Variants in SULF1 observed in about 807,000 individuals in gnomAD.
The protein encoded by SULF1 is sulfatase 1.
SULF1 carries 46 observed loss-of-function variants against 110.5 expected under a neutral mutation model. That is an observed-to-expected ratio of 0.42 (90% CI 0.33 to 0.53). The LOEUF (loss-of-function observed/expected upper bound fraction) is 0.53, where lower values mean the gene tolerates loss of function less well. Ranked by LOEUF, SULF1 falls within the 20% of genes least tolerant of loss-of-function variation. The pLI, the probability that SULF1 is intolerant of heterozygous loss-of-function variation, is 0.12. For synonymous variants in SULF1, 371 were observed against 387.1 expected (o/e 0.96, Z 0.49); for missense variants, 941 against 1,094.2 (o/e 0.86, Z 1.98).
At chr8:69,559,258 T>G (rs1244160883) in intron 3 of SULF1, among the ~76,000 whole-genome samples, 1 of 152,226 alleles carries the variant, frequency 6.6e-6, no homozygotes, top group African/African-American at 2.4e-5. Context: ...CAATGAACTT[T>G]TCATTCTGTT....
Position 69,600,670 on chromosome 8 carries a change from C to T in SULF1, c.802C>T (p.Leu268=), listed in dbSNP as rs1586516520. 1 of 1,614,068 alleles carries T rather than the reference C, an allele frequency of 6.2e-7. No individual in the cohort carries two copies. The highest frequency in any genetic ancestry group is 8.5e-7 in the Non-Finnish European group (1 of 1,179,954). Residue 268 remains leucine (L), a synonymous_variant, in exon 9 of 23, where the codon CTG becomes TTG. Transcript: ENST00000402687. ...HWIMQYTGPM[L]PIHMEFTNIL... is the part of the protein sequence containing the mutation. Reference sequence around the variant, plus strand: ...GATTATGCAGTACACAGGACCAATGCTGCCCATCCACATGGAATTTACAAA... The same window carrying T: ...GATTATGCAGTACACAGGACCAATGTTGCCCATCCACATGGAATTTACAAA...
At chr8:69,490,102 CTTTTT>C (rs59483735), upstream of SULF1, among the ~76,000 whole-genome samples, 1 of 117,176 alleles carries the variant, frequency 8.5e-6, no homozygotes, top group Non-Finnish European at 1.7e-5. Flanking sequence ...CCATACTTTT[CTTTTT>C]TTTTTTTTTT....
chr8:69,597,574 T>C (rs937301109), intron 8 of SULF1: 1 of 152,218 alleles, frequency 6.6e-6, no homozygotes, highest in Non-Finnish European at 1.5e-5. Context: ...GAGTCCAATT[T>C]GAGGCTTGTA....
Position 69,586,363 on chromosome 8 carries a change from T to C in SULF1, c.419T>C (p.Phe140Ser). 6.4e-7 allele frequency: 1 copy of C among 1,557,264 alleles called. No individual in the cohort carries two copies. The highest frequency in any genetic ancestry group is 8.6e-7 in the Non-Finnish European group (1 of 1,156,578). ...LNNTGYRTAF[F>S]GKYLNEYNGS... is the part of the protein sequence containing the mutation. ...TTCTTTTTTCCCACTGCAGCCTTTT[T>C]TGGAAAATACCTCAATGAATATAAT... Residue 140 changes from phenylalanine (F) to serine (S), a missense_variant, in exon 7 of 23, where the codon TTT (phenylalanine) becomes TCT (serine). By Grantham distance (155) the Phe-to-Ser change is radical. Transcript: ENST00000402687.
In SULF1 at chr8:69,529,638, A is replaced by G. The variant is rs144456073; in HGVS notation, c.-134+27670A>G. On this transcript the variant is annotated intron_variant, in intron 3 of 22. Transcript: ENST00000402687. ...TACAGAGCAGACCCTACATTGTTCT[A>G]AGGGACTTACTAGAGTAGGAGGATC... Among the ~76,000 whole-genome samples, 994 of 152,222 alleles carry G rather than the reference A, an allele frequency of 6.5e-3. 7 individuals are homozygous for G. The highest frequency in any genetic ancestry group is 0.023 in the African/African-American group (945 of 41,530).
chr8:69,640,715 A>G (rs1354713847), intron 21 of SULF1, 93 bp from the exon 22 acceptor site: 1 of 1,071,338 alleles, frequency 9.3e-7, no homozygotes, highest in Non-Finnish European at 1.3e-6. Flanking sequence ...GTTTCTTTCT[A>G]GGATTTAGAT....
chr8:69,483,260 C>T (rs753204179), intron 1 of SULF1, among the ~76,000 whole-genome samples: 18 of 152,226 alleles, frequency 1.2e-4, no homozygotes, highest in South Asian at 8.3e-4. Context: ...CCATAGCTCA[C>T]GAGAAACTCA....
At chr8:69,486,104 AATGCTCCCTGGAAAGGGCAT>A (rs774407812) in intron 1 of SULF1, among the ~76,000 whole-genome samples, 228 of 152,246 alleles carry the variant, frequency 1.5e-3, no homozygotes, top group Non-Finnish European at 2.6e-3. Flanking sequence ...CTCCTCAGCT[AATGCTCCCTGGAAAGGGCAT>A]ATGCTTTTTG....
chr8:69,549,991 A>G (rs1029805650), intron 3 of SULF1, among the ~76,000 whole-genome samples: 4 of 151,776 alleles, frequency 2.6e-5, no homozygotes, highest in African/African-American at 7.3e-5. Context: ...GTGTGGCTGC[A>G]ATACTGATGG....
chr8:69,581,611 C>G (rs73683990), intron 6 of SULF1, among the ~76,000 whole-genome samples: 1 of 151,912 alleles, frequency 6.6e-6, no homozygotes, highest in Non-Finnish European at 1.5e-5. Context: ...TTGCCAATGC[C>G]GAAGGATAGA....
chr8:69,558,075 T>C (rs879391600), intron 3 of SULF1, among the ~76,000 whole-genome samples: 1 of 152,222 alleles, frequency 6.6e-6, no homozygotes, highest in East Asian at 1.9e-4. Context: ...ATTAGCTTTT[T>C]CGTGGATTCA....
At chr8:69,650,158 G>C (rs2130728415) in intron 22 of SULF1, among the ~76,000 whole-genome samples, 1 of 151,416 alleles carries the variant, frequency 6.6e-6, no homozygotes, top group African/African-American at 2.4e-5. Flanking sequence ...ACCACACTCA[G>C]CTAATTTTTA....
At chr8:69,523,148 A>G (rs1177954248) in intron 3 of SULF1, among the ~76,000 whole-genome samples, 1 of 152,204 alleles carries the variant, frequency 6.6e-6, no homozygotes, top group African/African-American at 2.4e-5. Flanking sequence ...GAGAAGAGGT[A>G]GAATCTGGCC....
chr8:69,524,461 C>T (rs1044112990), intron 3 of SULF1, among the ~76,000 whole-genome samples: 43 of 152,074 alleles, frequency 2.8e-4, no homozygotes, highest in Non-Finnish European at 5.9e-5. Flanking sequence ...TTTTCAATGA[C>T]CAGGTCTTGC....
At chr8:69,523,250 C>T (rs559594997) in intron 3 of SULF1, among the ~76,000 whole-genome samples, 5 of 152,040 alleles carry the variant, frequency 3.3e-5, no homozygotes, top group East Asian at 3.9e-4. Context: ...TAGATGCTGG[C>T]GGGTGAACAA....
At chr8:69,490,322 C>T (rs529532341), upstream of SULF1, among the ~76,000 whole-genome samples, 21 of 152,118 alleles carry the variant, frequency 1.4e-4, no homozygotes, top group East Asian at 3.7e-3. Context: ...ATGCTAGTCT[C>T]GAACTTCTGG....
At chr8:69,545,759 C>T (rs1474103967) in intron 3 of SULF1, among the ~76,000 whole-genome samples, 2 of 152,168 alleles carry the variant, frequency 1.3e-5, no homozygotes, top group East Asian at 3.8e-4. Flanking sequence ...TGCAATGGCA[C>T]AATCTTGGCT....
At chr8:69,554,119 T>TTATATCAGCTCC (rs1191300261) in intron 3 of SULF1, among the ~76,000 whole-genome samples, 6 of 152,324 alleles carry the variant, frequency 3.9e-5, no homozygotes, top group African/African-American at 1.4e-4. Context: ...TCCAGTTTAA[T>TTATATCAGCTCC]TATATCAGCT....
intron 22 of SULF1, among the ~76,000 whole-genome samples, chr8:69,646,825 G>A (rs1330173358): frequency 6.6e-6 from 1 of 151,378 alleles, no homozygotes; most frequent in East Asian, 1.9e-4. Flanking sequence ...TAATACACAA[G>A]GATTTCATGA....
Sources: allele counts gnomAD v4.1 joint callset (sites outside exome capture counted in the v4.1 genomes callset), GRCh38; gene constraint gnomAD v4.1.1; transcripts MANE v1.5; gene names NCBI Gene and HGNC (gene_info 2026-07-23, HGNC 2026-07-21).